ENDOV: variants seen among roughly 807,000 people sequenced by gnomAD.
ENDOV encodes endonuclease V, also known as hEndoV.
A neutral mutation model predicts 39.4 loss-of-function variants in ENDOV; 37 were observed. The observed-to-expected ratio is 0.94, with a 90% CI of 0.72 to 1.23. ENDOV has a LOEUF of 1.23. ENDOV is among the 50% of genes most tolerant of loss of function. ENDOV has a pLI of 0.00. For missense variants in ENDOV, 441 were observed against 375.7 expected, an observed-to-expected ratio of 1.17 and a Z score of -1.44; for synonymous variants, 186 against 163.4, an observed-to-expected ratio of 1.14 and a Z score of -1.05.
chr17:80,425,256 G>C (rs2145011109), intron 6 of ENDOV, among the ~76,000 whole-genome samples, 156 bp downstream of exon 6: 1 of 152,256 alleles, frequency 6.6e-6, no homozygotes, highest in South Asian at 2.1e-4. Flanking sequence ...ACTGAGTCCA[G>C]GGTGTGATGT....
At chr17:80,419,329 G>A (rs974875143) in intron 2 of ENDOV, 6 of 454,632 alleles carry the variant, frequency 1.3e-5, no homozygotes, top group African/African-American at 3.9e-5. Context: ...TTTTCCCACC[G>A]TGAAGAACAC....
intron 9 of ENDOV, 70 bp from the exon 10 acceptor site, chr17:80,436,063 C>A: frequency 1.3e-6 from 2 of 1,564,418 alleles, no homozygotes; most frequent in Non-Finnish European, 1.7e-6. Flanking sequence ...CCCATTTCCA[C>A]TTCCTCCTTT....
At chr17:80,428,495 T>G in intron 7 of ENDOV, 101 bp from the exon 8 acceptor site, 1 of 1,148,540 alleles carries the variant, frequency 8.7e-7, no homozygotes, top group Non-Finnish European at 1.3e-6. Context: ...GTGTCCTGAG[T>G]GGGCTTCTGT....
At chr17:80,435,422 A>C (rs1003738566) in intron 9 of ENDOV, among the ~76,000 whole-genome samples, 15 of 152,200 alleles carry the variant, frequency 9.9e-5, no homozygotes, top group African/African-American at 3.6e-4. Context: ...AGCAGGTCCC[A>C]TGTCATACCT....
Position 80,437,671 on chromosome 17 carries a change from T to G in ENDOV, c.*1528T>G, listed in dbSNP as rs1268968127. 6.6e-6 allele frequency: 1 copy of G among 152,254 alleles called. No homozygotes were observed. The highest frequency in any genetic ancestry group is 1.5e-5 in the Non-Finnish European group (1 of 68,044). 9.4% of individuals were successfully genotyped at this position (152,254 alleles called of 1,614,324 possible). On this transcript the variant is annotated 3_prime_UTR_variant, in exon 10 of 10. Coordinates refer to ENST00000518137, the MANE Select transcript of ENDOV (RefSeq NM_173627.5). ...TGCTCATTTCTGTGGGCCCTTACTC[T>G]GTGACACTGCAGCTCTCCAGAGAGA... is the stretch of plus-strand genomic sequence containing the variant.
rs538472487 is a variant in ENDOV at position 80,432,950 on chromosome 17, C to T, written c.838+3119C>T. Among the ~76,000 whole-genome samples, 3 of 152,306 alleles carry T rather than the reference C, an allele frequency of 2.0e-5. No homozygotes were observed. The East Asian group carries it at 5.8e-4, about 29-fold the overall frequency. ...AAGGGCTCCACCACCCCAGACACAC[C>T]CAGAGCCTGGTGTCCAGGATGCCAT... On this transcript the variant is annotated intron_variant, in intron 9 of 9. Transcript: ENST00000518137.
intron 9 of ENDOV, among the ~76,000 whole-genome samples, chr17:80,435,708 G>A (rs1035196696): frequency 8.5e-5 from 13 of 152,126 alleles, no homozygotes; most frequent in East Asian, 3.9e-4. Context: ...TCCGCCTCCC[G>A]GGTTCACGCC....
intron 2 of ENDOV, among the ~76,000 whole-genome samples, chr17:80,419,170 C>CAA (rs67490024): frequency 1.6e-3 from 161 of 103,468 alleles, no homozygotes; most frequent in Non-Finnish European, 2.1e-3. Context: ...AGGACTCTGT[C>CAA]AAAAAAAAAA....
chr17:80,419,055 C>T (rs905390039), intron 2 of ENDOV, among the ~76,000 whole-genome samples: 1 of 151,788 alleles, frequency 6.6e-6, no homozygotes, highest in Non-Finnish European at 1.5e-5. Context: ...CACCTGTAGT[C>T]CCAGCTACTC....
At chr17:80,423,087 C>A (rs1027195193) in intron 4 of ENDOV, among the ~76,000 whole-genome samples, 1 of 152,228 alleles carries the variant, frequency 6.6e-6, no homozygotes, top group Admixed American at 6.5e-5. Flanking sequence ...GACATTGGGC[C>A]TTCCTGGCCA....
chr17:80,427,342 C>T (rs1231401022), intron 7 of ENDOV: 2 of 824,188 alleles, frequency 2.4e-6, no homozygotes, highest in African/African-American at 1.9e-5. Context: ...AGCACAGTTC[C>T]TGGAGCTCCT....
intron 5 of ENDOV, 79 bp downstream of exon 5, chr17:80,423,711 T>C: frequency 7.3e-7 from 1 of 1,366,188 alleles, no homozygotes; most frequent in East Asian, 2.5e-5. Flanking sequence ...AGGACACTTC[T>C]GGACCAGCCC....
At chr17:80,421,284 C>G (rs976928095) in intron 2 of ENDOV, among the ~76,000 whole-genome samples, 7 of 61,828 alleles carry the variant, frequency 1.1e-4, no homozygotes, top group Non-Finnish European at 2.5e-4. Flanking sequence ...TCCTATGGAC[C>G]GGGTCCCGGG....
Position 80,421,032 on chromosome 17 carries a change from G to A in ENDOV, c.229-796G>A, listed in dbSNP as rs574238566. Among the ~76,000 whole-genome samples, 17 of 151,962 alleles carry A rather than the reference G, an allele frequency of 1.1e-4. No individual in the cohort carries two copies. The South Asian group carries it at 2.3e-3, about 20-fold the overall frequency. ...CCATGGAGGGGTGGGGTGGGGCATC[G>A]GCTTCAATACACAAAGGAGGAGACA... On this transcript the variant is annotated intron_variant, in intron 2 of 9. Coordinates refer to ENST00000518137, the MANE Select transcript of ENDOV (RefSeq NM_173627.5).
chr17:80,431,653 G>A (rs965804076), intron 9 of ENDOV, among the ~76,000 whole-genome samples: 6 of 152,204 alleles, frequency 3.9e-5, no homozygotes, highest in African/African-American at 7.2e-5. Flanking sequence ...CAGTGGCCCC[G>A]GACTGGCCTC....
At chr17:80,433,086 C>A in intron 9 of ENDOV, 1 of 519,880 alleles carries the variant, frequency 1.9e-6, no homozygotes, top group Non-Finnish European at 3.8e-6. Flanking sequence ...GCCCTCCTGA[C>A]TTCTAGAGCT....
chr17:80,428,653 A>G lies in ENDOV; in HGVS notation c.772A>G (p.Thr258Ala), dbSNP rs755845235. Residue 258 changes from threonine to alanine, a missense_variant, in exon 8 of 10, where the codon ACA becomes GCA. Coordinates refer to ENST00000518137, the MANE Select transcript of ENDOV (RefSeq NM_173627.5). ...GTCGCTGGGACTCCCCGGGCCACCC[A>G]CACCGAGGTGAGCACCCAGGGAGGC... The part of the protein sequence containing the change: ...RKSLGLPGPP[T>A]PRSPKAQRPV... The G allele has an allele frequency of 1.3e-6, 2 of 1,580,124 alleles. No homozygotes were observed. Among genetic ancestry groups the G allele is most frequent in the Non-Finnish European group, 1.7e-6 (2 of 1,163,460 alleles).
At position 80,436,520 on chromosome 17, in the gene ENDOV, A is replaced by C. The variant is rs1035491909; in HGVS notation, c.*377A>C. The C allele has an allele frequency of 4.6e-6, 2 of 439,278 alleles. No individual in the cohort carries two copies. Among genetic ancestry groups the C allele is most frequent in the Non-Finnish European group, 7.6e-6 (2 of 263,420 alleles). The allele number at this position is 439,278 out of a possible 1,614,324, so 27.2% of individuals were successfully genotyped here. ...TTTGTCAAATGCTTTTCTGGCCTCT[A>C]TTGAAAAGATCCTGTGTTCTTCTGT... On this transcript the variant is annotated 3_prime_UTR_variant, in exon 10 of 10. Transcript: ENST00000518137.
Position 80,422,314 on chromosome 17 carries a change from G to A in ENDOV, c.403+69G>A, listed in dbSNP as rs369872108. ...AGCGGGGGGAGAGGGCACCTCTGTC[G>A]TCCCCCACAGAAAATGCTGGGCCCT... On this transcript the variant is annotated intron_variant, in intron 4 of 9. Coordinates refer to ENST00000518137, the MANE Select transcript of ENDOV (RefSeq NM_173627.5). The A allele has an allele frequency of 2.8e-4, 444 of 1,565,718 alleles. 2 individuals carry two copies. Among genetic ancestry groups the A allele is most frequent in the Non-Finnish European group, 3.4e-4 (389 of 1,144,604 alleles).
Sources: gnomAD v4.1 joint callset for allele counts (sites outside exome capture counted in the v4.1 genomes callset) on GRCh38, gnomAD v4.1.1 for gene constraint, MANE v1.5 for transcripts, NCBI Gene and HGNC (gene_info 2026-07-23, HGNC 2026-07-21) for gene names.